The following PRKAG2 variants were observed in gnomAD, a reference collection of about 807,000 sequenced individuals.
The protein encoded by PRKAG2 is 5'-AMP-activated protein kinase subunit gamma-2.
A neutral mutation model predicts 69.6 loss-of-function variants in PRKAG2; 26 were observed. The ratio of observed to expected loss-of-function variants is 0.37; its 90% CI spans 0.27 to 0.52. The LOEUF is 0.52. PRKAG2 is among the 20% of genes least tolerant of loss of function. PRKAG2 has a pLI of 0.90. For synonymous variants in PRKAG2, 293 were observed against 285.0 expected, an observed-to-expected ratio of 1.03 and a Z score of -0.28; for missense variants, 557 against 740.0, an observed-to-expected ratio of 0.75 and a Z score of 2.87.
intron 3 of PRKAG2, among the ~76,000 whole-genome samples, chr7:151,727,197 G>T (rs911114792): frequency 2.0e-5 from 3 of 150,432 alleles, no homozygotes; most frequent in South Asian, 4.3e-4. Context: ...CCTGGGCAAC[G>T]AGAGCAAAAC....
intron 3 of PRKAG2, among the ~76,000 whole-genome samples, chr7:151,767,276 G>C (rs1046309095): frequency 6.6e-6 from 1 of 152,146 alleles, no homozygotes; most frequent in Non-Finnish European, 1.5e-5. Flanking sequence ...AGCCTCTTGA[G>C]ATAATAAACT....
rs967552288 is a variant in PRKAG2, at chr7:151,638,189, G to A, written c.685-6051C>T. 6.6e-6 allele frequency among the ~76,000 whole-genome samples: 1 copy of A among 152,124 alleles called. No individual in the cohort carries two copies. The highest frequency in any genetic ancestry group is 2.4e-5 in the African/African-American group (1 of 41,422). ...ACAGCCTGGCACAGTTCCACCACAG[G>A]GAACATTTCCATTTATATCACATCA... On this transcript the variant is annotated intron_variant, in intron 4 of 15. Transcript: ENST00000287878. The surrounding 1 kb of genome is among the most constrained non-coding windows in gnomAD (Gnocchi z 4.3).
chr7:151,751,415 C>A (rs1332752255), intron 3 of PRKAG2, among the ~76,000 whole-genome samples: 1 of 151,924 alleles, frequency 6.6e-6, no homozygotes. Context: ...CCACGCCCGG[C>A]CCAAAGATGC....
chr7:151,741,960 T>G (rs2073924794), intron 3 of PRKAG2, among the ~76,000 whole-genome samples: 1 of 152,218 alleles, frequency 6.6e-6, no homozygotes, highest in Non-Finnish European at 1.5e-5. Context: ...ATATGCCAGC[T>G]GGGGTGCTGG....
intron 1 of PRKAG2, among the ~76,000 whole-genome samples, chr7:151,793,418 C>T (rs1369149314): frequency 6.6e-6 from 1 of 152,218 alleles, no homozygotes; most frequent in Non-Finnish European, 1.5e-5. Context: ...TAAGGTTTCT[C>T]AACTGATTGT....
At chr7:151,744,664 T>A (rs1480192627) in intron 3 of PRKAG2, among the ~76,000 whole-genome samples, 1 of 152,196 alleles carries the variant, frequency 6.6e-6, no homozygotes, top group Non-Finnish European at 1.5e-5. Flanking sequence ...TGGGGACCCA[T>A]ATGAGAGAAA....
Position 151,632,634 on chromosome 7 carries a change from G to A in PRKAG2, c.685-496C>T, listed in dbSNP as rs1029618755. ...TGCGCAGGTGTGGGCTCCGCGGCGCGGGGAGGGGGAGAGGGGCTGGAGGCT... is the reference window on the plus strand; with the variant it reads ...TGCGCAGGTGTGGGCTCCGCGGCGCAGGGAGGGGGAGAGGGGCTGGAGGCT... On this transcript the variant is annotated intron_variant, in intron 4 of 15. Coordinates refer to ENST00000287878, the MANE Select transcript of PRKAG2 (RefSeq NM_016203.4). This position sits in a 1 kb window ranked among gnomAD's most constrained non-coding sequence, Gnocchi z 4.2. 21 of 983,938 alleles carry A rather than the reference G, an allele frequency of 2.1e-5. No individual in the cohort carries two copies. In the South Asian group the frequency reaches 8.5e-4, roughly 40 times the overall value. The allele number at this position is 983,938 out of a possible 1,614,324, so 61.0% of individuals were successfully genotyped here.
chr7:151,822,035 G>A (rs543326649), intron 1 of PRKAG2, among the ~76,000 whole-genome samples: 3 of 152,216 alleles, frequency 2.0e-5, no homozygotes, highest in Non-Finnish European at 2.9e-5. Flanking sequence ...CCAGTGCCGC[G>A]TGACTCAGGT....
In PRKAG2 at chr7:151,565,790, A is replaced by G; in HGVS notation, c.1329T>C (p.Thr443=). Residue 443 remains threonine, a synonymous_variant, in exon 12 of 16, where the codon ACT becomes ACC. Coordinates refer to ENST00000287878, the MANE Select transcript of PRKAG2 (RefSeq NM_016203.4). ...YHNIAFIHPD[T]PIIKALNIFV... ...ATATGTTCAAGGCTTTGATGATGGG[A>G]GTGTCTGGATGTATGAAGGCAATGT... 6.2e-7 allele frequency: 1 copy of G among 1,612,744 alleles called. No homozygotes were observed. Among genetic ancestry groups the G allele is most frequent in the Non-Finnish European group, 8.5e-7 (1 of 1,178,748 alleles).
At chr7:151,718,517 C>T (rs1400475115) in intron 3 of PRKAG2, among the ~76,000 whole-genome samples, 10 of 150,994 alleles carry the variant, frequency 6.6e-5, no homozygotes, top group Non-Finnish European at 1.3e-4. Context: ...CGTGGGCCTC[C>T]GTGTCCCCGC....
rs576665238 is a variant in PRKAG2 at position 151,604,210 on chromosome 7, G to T, written c.755-8756C>A. On this transcript the variant is annotated intron_variant, in intron 5 of 15. Transcript: ENST00000287878. ...TGGGCTTCCTCCGTCATCCAGGGAGGTGTGCAGAGCTGGGCTCTCCTGCCT... is the reference window on the plus strand; with the variant it reads ...TGGGCTTCCTCCGTCATCCAGGGAGTTGTGCAGAGCTGGGCTCTCCTGCCT... 8.9e-4 allele frequency among the ~76,000 whole-genome samples: 136 copies of T among 152,334 alleles called. 2 individuals carry two copies. The highest frequency in any genetic ancestry group is 5.2e-3 in the South Asian group (25 of 4,824).
chr7:151,632,429 T>C lies in PRKAG2; in HGVS notation c.685-291A>G, dbSNP rs1824863958. Reference sequence around the variant, plus strand: ...GGTACGGCCCGCCCGGGAGGAAGCGTGGGAAGGGACCCGGGAGCTCGAGGG... The same window carrying C: ...GGTACGGCCCGCCCGGGAGGAAGCGCGGGAAGGGACCCGGGAGCTCGAGGG... On this transcript the variant is annotated intron_variant, in intron 4 of 15. Transcript: ENST00000287878. The surrounding 1 kb of genome is among the most constrained non-coding windows in gnomAD (Gnocchi z 4.2). 1.8e-6 allele frequency: 1 copy of C among 546,864 alleles called. No homozygotes were observed. Among genetic ancestry groups the C allele is most frequent in the Non-Finnish European group, 2.3e-6 (1 of 430,994 alleles). 33.9% of individuals were successfully genotyped at this position (546,864 alleles called of 1,614,324 possible).
rs112838450 is a variant in PRKAG2, at chr7:151,814,225, C to T, written c.115-27684G>A. Among the ~76,000 whole-genome samples the T allele has an allele frequency of 6.6e-6, 1 of 152,098 alleles. No homozygotes were observed. The highest frequency in any genetic ancestry group is 1.9e-4 in the East Asian group (1 of 5,188). On this transcript the variant is annotated intron_variant, in intron 1 of 15. Transcript: ENST00000287878. The surrounding 1 kb of genome is among the most constrained non-coding windows in gnomAD (Gnocchi z 4.8). ...ATGTAAGGAGAAAACATACAGCTTC[C>T]GTGGAGAGAAGGAACATTTTGCTCA...
chr7:151,743,980 A>G (rs2074092230), intron 3 of PRKAG2, among the ~76,000 whole-genome samples: 1 of 152,222 alleles, frequency 6.6e-6, no homozygotes, highest in Admixed American at 6.5e-5. Flanking sequence ...TTCCACAGCC[A>G]GACTGTGCAC....
At chr7:151,710,828 G>C (rs1252437841) in intron 3 of PRKAG2, among the ~76,000 whole-genome samples, 2 of 152,194 alleles carry the variant, frequency 1.3e-5, no homozygotes, top group East Asian at 3.9e-4. Flanking sequence ...CTGTACCTCT[G>C]TGTCAGCAGA....
intron 14 of PRKAG2, among the ~76,000 whole-genome samples, chr7:151,562,304 T>C (rs1208307871): frequency 6.9e-6 from 1 of 144,460 alleles, no homozygotes; most frequent in Non-Finnish European, 1.5e-5. Context: ...GGCAGCTCTG[T>C]GCCGGCTGCG....
At position 151,715,322 on chromosome 7, in the gene PRKAG2, C is replaced by CAAAAAAAAAAAAA. The variant is rs34971340; in HGVS notation, c.467-39698_467-39686dup. On this transcript the variant is annotated intron_variant, in intron 3 of 15. Coordinates refer to ENST00000287878, the MANE Select transcript of PRKAG2 (RefSeq NM_016203.4). ...TGAGCCACTGCACCTGGCCTAAAAGCAAAAAAAAAAAAAAAAAAAAAAAAA... is the reference window on the plus strand; with the variant it reads ...TGAGCCACTGCACCTGGCCTAAAAGCAAAAAAAAAAAAAAAAAAAAAAAAAAAAAAAAAAAAAA... Among the ~76,000 whole-genome samples, 28 of 62,438 alleles carry CAAAAAAAAAAAAA rather than the reference C, an allele frequency of 4.5e-4. 1 individual carries two copies. Among genetic ancestry groups the CAAAAAAAAAAAAA allele is most frequent in the African/African-American group, 1.8e-3 (25 of 14,032 alleles). 41.0% of individuals were successfully genotyped at this position (62,438 alleles called of 152,430 possible).
At chr7:151,845,043 G>A (rs1037758524) in intron 1 of PRKAG2, among the ~76,000 whole-genome samples, 1 of 152,010 alleles carries the variant, frequency 6.6e-6, no homozygotes, top group African/African-American at 2.4e-5. Flanking sequence ...CCTCCGCCCC[G>A]CACAAGGGTG....
chr7:151,796,504 C>G (rs761812804), intron 1 of PRKAG2, among the ~76,000 whole-genome samples: 2 of 152,240 alleles, frequency 1.3e-5, no homozygotes, highest in Non-Finnish European at 2.9e-5. Flanking sequence ...AGCCTCGTCT[C>G]TGAGCCTTGG....
Sources: gnomAD v4.1 joint callset for allele counts (sites outside exome capture counted in the v4.1 genomes callset) on GRCh38, gnomAD v4.1.1 for gene constraint, Gnocchi (gnomAD v3.1) non-coding constraint, MANE v1.5 for transcripts, NCBI Gene and HGNC (gene_info 2026-07-23, HGNC 2026-07-21) for gene names.